Variants in SPPL3 observed in about 807,000 individuals in gnomAD.
SPPL3 encodes signal peptide peptidase like 3.
SPPL3 carries 5 observed loss-of-function variants against 42.4 expected under a neutral mutation model. The ratio of observed to expected loss-of-function variants is 0.12; its 90% CI spans 0.06 to 0.25. The LOEUF is 0.25. Ranked by LOEUF, SPPL3 falls within the 10% of genes least tolerant of loss-of-function variation. The pLI, the probability that SPPL3 is intolerant of heterozygous loss-of-function variation, is 1.00. For synonymous variants in SPPL3, 195 were observed against 181.8 expected, an observed-to-expected ratio of 1.07 and a Z score of -0.58; for missense variants, 235 against 489.0, an observed-to-expected ratio of 0.48 and a Z score of 4.90.
chr12:120,796,019 T>C (rs1455207166), intron 2 of SPPL3, among the ~76,000 whole-genome samples: 1 of 152,238 alleles, frequency 6.6e-6, no homozygotes, highest in Non-Finnish European at 1.5e-5. Context: ...TCCCATCCAG[T>C]GTATTTTTCA....
intron 1 of SPPL3, among the ~76,000 whole-genome samples, chr12:120,821,839 T>C (rs1301430400): frequency 1.3e-5 from 2 of 152,178 alleles, no homozygotes; most frequent in Non-Finnish European, 2.9e-5. Context: ...TGGGTGGAAG[T>C]AACCCAAGTG....
intron 6 of SPPL3, among the ~76,000 whole-genome samples, chr12:120,780,147 T>C (rs1473783812): frequency 6.6e-6 from 1 of 150,676 alleles, no homozygotes; most frequent in Non-Finnish European, 1.5e-5. Flanking sequence ...CAGGCTGGTC[T>C]TGAACTCCTC....
At chr12:120,865,473 C>T (rs1455223725) in intron 1 of SPPL3, among the ~76,000 whole-genome samples, 1 of 152,150 alleles carries the variant, frequency 6.6e-6, no homozygotes, top group East Asian at 1.9e-4. Flanking sequence ...AAAATGAGTA[C>T]AATAGTATCT....
At chr12:120,851,636 C>A (rs1467561886) in intron 1 of SPPL3, among the ~76,000 whole-genome samples, 1 of 152,132 alleles carries the variant, frequency 6.6e-6, no homozygotes, top group Non-Finnish European at 1.5e-5. Context: ...CAGGGTTTCA[C>A]TCTGTCACCC....
intron 6 of SPPL3, among the ~76,000 whole-genome samples, chr12:120,774,058 A>G (rs1244150766): frequency 6.6e-6 from 1 of 152,232 alleles, no homozygotes; most frequent in African/African-American, 2.4e-5. Context: ...AACATGGAAC[A>G]GACTGCTCAG....
In SPPL3 at chr12:120,768,284, A is replaced by C. The variant is rs1243729491; in HGVS notation, c.773+41T>G. On this transcript the variant is annotated intron_variant, in intron 8 of 10. Coordinates refer to ENST00000353487, the MANE Select transcript of SPPL3 (RefSeq NM_139015.5). ...TGATCAAGGCCGGGAACAGATAGGC[A>C]CAGGAAGACAGTGTGGTCCTGTCAT... 3 of 1,580,126 alleles carry C rather than the reference A, an allele frequency of 1.9e-6. No homozygotes were observed. In the African/African-American group the frequency reaches 4.0e-5, roughly 21 times the overall value.
rs188131264 is a variant in SPPL3 at position 120,804,906 on chromosome 12, G to A, written c.101+5903C>T. ...GTATTATTCAGTAATAAAAAGGAAT[G>A]AAATACTGATAACATGCTACAACAC... On this transcript the variant is annotated intron_variant, in intron 2 of 10. Coordinates refer to ENST00000353487, the MANE Select transcript of SPPL3 (RefSeq NM_139015.5). Among the ~76,000 whole-genome samples, 327 of 152,264 alleles carry A rather than the reference G, an allele frequency of 2.1e-3. 1 individual carries two copies. Among genetic ancestry groups the A allele is most frequent in the African/African-American group, 7.5e-3 (312 of 41,558 alleles).
At chr12:120,834,509 T>A (rs1871542216) in intron 1 of SPPL3, among the ~76,000 whole-genome samples, 1 of 151,882 alleles carries the variant, frequency 6.6e-6, no homozygotes. Context: ...AATCGGGAGG[T>A]GGGAAGCAGA....
At chr12:120,864,162 A>C (rs1464806332) in intron 1 of SPPL3, among the ~76,000 whole-genome samples, 3 of 152,190 alleles carry the variant, frequency 2.0e-5, no homozygotes, top group Non-Finnish European at 4.4e-5. Flanking sequence ...GAGCTCTTCA[A>C]AATGCTTATG....
intron 3 of SPPL3, among the ~76,000 whole-genome samples, chr12:120,788,796 C>G (rs1012779485): frequency 6.6e-6 from 1 of 152,164 alleles, no homozygotes; most frequent in Non-Finnish European, 1.5e-5. Context: ...TAAATTTATA[C>G]TTTCTTTTTC....
chr12:120,786,323 T>C (rs980507213), intron 3 of SPPL3, among the ~76,000 whole-genome samples: 5 of 152,228 alleles, frequency 3.3e-5, no homozygotes, highest in Non-Finnish European at 7.3e-5. Flanking sequence ...TTTACCTAAA[T>C]AGTTTTTAAA....
At chr12:120,886,523 G>A (rs530909819) in intron 1 of SPPL3, among the ~76,000 whole-genome samples, 2 of 152,090 alleles carry the variant, frequency 1.3e-5, no homozygotes, top group Admixed American at 6.5e-5. Flanking sequence ...AGGACCAAAC[G>A]ATAACAGTTC....
chr12:120,852,764 G>GATATATGAAA (rs1433841747), intron 1 of SPPL3, among the ~76,000 whole-genome samples: 1 of 68,200 alleles, frequency 1.5e-5, no homozygotes, highest in Non-Finnish European at 2.8e-5. Context: ...TTATATCTAT[G>GATATATGAAA]TATATTATAT....
intron 1 of SPPL3, among the ~76,000 whole-genome samples, chr12:120,888,391 C>A (rs1873530698): frequency 6.6e-6 from 1 of 151,874 alleles, no homozygotes; most frequent in Admixed American, 6.6e-5. Flanking sequence ...TTATTCATAG[C>A]AGCCAAAATG....
chr12:120,792,231 C>G (rs73229114), intron 2 of SPPL3, among the ~76,000 whole-genome samples: 29,364 of 152,106 alleles, frequency 0.19, 4,501 homozygotes, highest in African/African-American at 0.41. Context: ...ACTTCAGAGT[C>G]AAGACCTGAA....
At chr12:120,870,415 G>A (rs763508882) in intron 1 of SPPL3, among the ~76,000 whole-genome samples, 12 of 152,030 alleles carry the variant, frequency 7.9e-5, no homozygotes, top group Non-Finnish European at 1.3e-4. Context: ...CTCCAGCCTG[G>A]GCAACAAGGG....
chr12:120,861,623 G>A (rs780751783), intron 1 of SPPL3, among the ~76,000 whole-genome samples: 10 of 152,172 alleles, frequency 6.6e-5, no homozygotes, highest in Non-Finnish European at 1.3e-4. Flanking sequence ...CATCCTAGCA[G>A]CGGACTGAGT....
At chr12:120,900,616 G>C (rs1251495858) in intron 1 of SPPL3, among the ~76,000 whole-genome samples, 1 of 141,064 alleles carries the variant, frequency 7.1e-6, no homozygotes, top group African/African-American at 2.6e-5. Context: ...AAAAAAAAGA[G>C]AGATCAATTG....
chr12:120,869,043 A>C (rs1302231165), intron 1 of SPPL3, among the ~76,000 whole-genome samples: 2 of 152,194 alleles, frequency 1.3e-5, no homozygotes, highest in African/African-American at 4.8e-5. Flanking sequence ...CAATGTCCTA[A>C]CTATAATATG....
Sources: gnomAD v4.1 joint callset for allele counts (sites outside exome capture counted in the v4.1 genomes callset) on GRCh38, gnomAD v4.1.1 for gene constraint, MANE v1.5 for transcripts, NCBI Gene and HGNC (gene_info 2026-07-23, HGNC 2026-07-21) for gene names.